C10orf71: variants seen among roughly 807,000 people sequenced by gnomAD.
The protein encoded by C10orf71 is chromosome 10 open reading frame 71, also known as cardiac-enriched FHL2-interacting protein.
For synonymous variants in C10orf71, 758 were observed against 726.3 expected (o/e 1.04, Z -0.70); for missense variants, 1,869 against 1,804.5 (o/e 1.04, Z -0.65).
At chr10:49,313,539 G>A (rs1848950380) in intron 1 of C10orf71, among the ~76,000 whole-genome samples, 1 of 152,214 alleles carries the variant, frequency 6.6e-6, no homozygotes, top group South Asian at 2.1e-4. Context: ...GCCTCTTGGT[G>A]CAGGGCAGGA....
chr10:49,322,366 T>C, intron 2 of C10orf71, 36 bp from the exon 3 acceptor site: 1 of 649,444 alleles, frequency 1.5e-6, no homozygotes. Flanking sequence ...TAGAGCTGTA[T>C]ACTTTGTTCA....
intron 2 of C10orf71, among the ~76,000 whole-genome samples, chr10:49,316,520 A>G (rs921715043): frequency 2.0e-5 from 3 of 152,194 alleles, no homozygotes; most frequent in African/African-American, 4.8e-5. Context: ...CACTGTTTAG[A>G]ATGAGGATAT....
chr10:49,326,213 G>T lies in C10orf71; in HGVS notation c.3668G>T (p.Cys1223Phe). 6.4e-7 allele frequency: 1 copy of T among 1,551,134 alleles called. No individual in the cohort carries two copies. Residue 1223 changes from cysteine to phenylalanine, a missense_variant, in exon 3 of 3, where the codon TGC becomes TTC. Coordinates refer to ENST00000374144, the MANE Select transcript of C10orf71 (RefSeq NM_001135196.2). ...GAGCAGACACAGCAAAGGCCGCTGT[G>T]CCCCAGAGAGAGGCCCCGACACAAT... is the stretch of plus-strand genomic sequence containing the variant. ...DLEQTQQRPL[C>F]PRERPRHNFP... is the part of the protein sequence containing the mutation.
At position 49,325,958 on chromosome 10, in the gene C10orf71, C is replaced by G. The variant is rs1456286139; in HGVS notation, c.3413C>G (p.Ser1138Cys). 15 of 1,551,576 alleles carry G rather than the reference C, an allele frequency of 9.7e-6. No individual in the cohort carries two copies. The highest frequency in any genetic ancestry group is 1.2e-5 in the Non-Finnish European group (14 of 1,146,992). Reference sequence around the variant, plus strand: ...TCGGCAGAAGACCTCCGGACCCTCTCTCCAAGAGGTTCATTGCTGGATGTG... The same window carrying G: ...TCGGCAGAAGACCTCCGGACCCTCTGTCCAAGAGGTTCATTGCTGGATGTG... ...ELSAEDLRTL[S>C]PRGSLLDVAT... Residue 1138 changes from serine to cysteine, a missense_variant, in exon 3 of 3, where the codon TCT becomes TGT. Ser to Cys is a moderately radical substitution (Grantham distance 112). Transcript: ENST00000374144.
Position 49,326,651 on chromosome 10 carries a change from C to T in C10orf71, c.4106C>T (p.Ala1369Val). The change falls in exon 3 of 3, where the codon GCG becomes GTG. Residue 1369 changes from alanine to valine, a missense_variant. Transcript: ENST00000374144. ...CTCAGGCAGGGCCCTCGTGCCTCCG[C>T]GGCCCGCGCCAGGACCCAGAGTGTC... ...TFLRQGPRAS[A>V]ARARTQSVHE... The T allele has an allele frequency of 1.3e-6, 2 of 1,550,270 alleles. No homozygotes were observed. The highest frequency in any genetic ancestry group is 8.7e-7 in the Non-Finnish European group (1 of 1,146,906).
chr10:49,303,534 C>T (rs532333854), intron 1 of C10orf71, among the ~76,000 whole-genome samples: 16 of 152,260 alleles, frequency 1.1e-4, no homozygotes, highest in South Asian at 2.1e-4. Context: ...GAGTCCTGAG[C>T]GGGATCAAGC....
At chr10:49,302,196 G>T (rs1440703591) in intron 1 of C10orf71, among the ~76,000 whole-genome samples, 1 of 152,206 alleles carries the variant, frequency 6.6e-6, no homozygotes, top group South Asian at 2.1e-4. Flanking sequence ...TCAGGAGGTT[G>T]GTTCCAGATC....
At chr10:49,321,923 T>C (rs1299657472) in intron 2 of C10orf71, among the ~76,000 whole-genome samples, 2 of 152,226 alleles carry the variant, frequency 1.3e-5, no homozygotes, top group African/African-American at 2.4e-5. Context: ...TTCATTTTGT[T>C]TTGTTTGTTA....
Position 49,326,237 on chromosome 10 carries a change from A to G in C10orf71, c.3692A>G (p.Asn1231Ser), listed in dbSNP as rs1000916106. Residue 1231 changes from asparagine (N) to serine (S), a missense_variant, in exon 3 of 3, where the codon AAT (asparagine) becomes AGT (serine). Physicochemically the swap from Asn to Ser is conservative, Grantham distance 46. Coordinates refer to ENST00000374144, the MANE Select transcript of C10orf71 (RefSeq NM_001135196.2). Reference sequence around the variant, plus strand: ...TGCCCCAGAGAGAGGCCCCGACACAATTTCCCCGTGGTCCGTTCCCTGCCC... The same window carrying G: ...TGCCCCAGAGAGAGGCCCCGACACAGTTTCCCCGTGGTCCGTTCCCTGCCC... ...PLCPRERPRH[N>S]FPVVRSLPPP... 3.9e-6 allele frequency: 6 copies of G among 1,550,320 alleles called. No individual in the cohort carries two copies. In the African/African-American group the frequency reaches 8.2e-5, roughly 21 times the overall value.
At position 49,322,771 on chromosome 10, in the gene C10orf71, C is replaced by G; in HGVS notation, c.226C>G (p.Gln76Glu). 2 of 1,613,662 alleles carry G rather than the reference C, an allele frequency of 1.2e-6. No individual in the cohort carries two copies. The highest frequency in any genetic ancestry group is 1.7e-6 in the Non-Finnish European group (2 of 1,179,636). ...TCACCAGAGAACAGTGGGCCACACC[C>G]AGAGGAAAAGTGGCATTTGGAGCCA... is the stretch of plus-strand genomic sequence containing the variant. ...TFHQRTVGHTQRKSGIWSQLP... is the reference protein window; with the variant it reads ...TFHQRTVGHTERKSGIWSQLP... Residue 76 changes from glutamine (Q) to glutamate (E), a missense_variant, in exon 3 of 3, where the codon CAG (glutamine) becomes GAG (glutamate). Transcript: ENST00000374144.
intron 1 of C10orf71, among the ~76,000 whole-genome samples, chr10:49,304,953 C>T (rs1466621787): frequency 6.6e-6 from 1 of 152,186 alleles, no homozygotes; most frequent in African/African-American, 2.4e-5. Context: ...TTCCATTTGC[C>T]CCAAGGTCAC....
intron 1 of C10orf71, among the ~76,000 whole-genome samples, chr10:49,304,405 C>T (rs1848779332): frequency 6.6e-6 from 1 of 152,156 alleles, no homozygotes; most frequent in Non-Finnish European, 1.5e-5. Context: ...CTCAATTTGC[C>T]AGTTGTTGCA....
chr10:49,312,011 A>T (rs896910289), intron 1 of C10orf71, among the ~76,000 whole-genome samples: 1 of 152,236 alleles, frequency 6.6e-6, no homozygotes, highest in Non-Finnish European at 1.5e-5. Flanking sequence ...GAAGAGTTAG[A>T]ATTTAGCAAT....
chr10:49,323,609 G>A lies in C10orf71; in HGVS notation c.1064G>A (p.Gly355Glu), dbSNP rs748172824. The A allele has an allele frequency of 2.4e-5, 39 of 1,601,638 alleles. No homozygotes were observed. The East Asian group carries it at 7.6e-4, about 31-fold the overall frequency. Residue 355 changes from glycine to glutamate, a missense_variant, in exon 3 of 3, where the codon GGA (glycine) becomes GAA (glutamate). By Grantham distance (98) the Gly-to-Glu change is moderately conservative. Transcript: ENST00000374144. ...ATACCCTGGGGGTGCAGGGATCCAG[G>A]AGCCCAGGTATTTGCTGTGGAAGGA... ...TSIPWGCRDP[G>E]AQVFAVEGKA...
chr10:49,325,140 C>A lies in C10orf71; in HGVS notation c.2595C>A (p.Thr865=), dbSNP rs1273263924. The change falls in exon 3 of 3, where the codon ACC becomes ACA. Residue 865 remains threonine, a synonymous_variant. Coordinates refer to ENST00000374144, the MANE Select transcript of C10orf71 (RefSeq NM_001135196.2). ...TTAAAGACAACACCCTCAGAGCTAC[C>A]CCCGTAATTAAACCTATCATGCTGC... is the stretch of plus-strand genomic sequence containing the variant. The part of the protein sequence containing the change: ...FTIKDNTLRA[T]PVIKPIMLPL... 6.4e-7 allele frequency: 1 copy of A among 1,552,132 alleles called. No individual in the cohort carries two copies. Among genetic ancestry groups the A allele is most frequent in the African/African-American group, 1.4e-5 (1 of 73,170 alleles).
rs1234673438 is a variant in C10orf71 at position 49,325,236 on chromosome 10, A to G, written c.2691A>G (p.Pro897=). Residue 897 remains proline, a synonymous_variant, in exon 3 of 3, where the codon CCA becomes CCG. Coordinates refer to ENST00000374144, the MANE Select transcript of C10orf71 (RefSeq NM_001135196.2). Reference sequence around the variant, plus strand: ...ACAAAGAGGAGGAATTGCCAAGGCCAGAATGGGGTGAGGATCCTGGGTTTT... The same window carrying G: ...ACAAAGAGGAGGAATTGCCAAGGCCGGAATGGGGTGAGGATCCTGGGTTTT... ...SGHKEEELPR[P]EWGEDPGFCA... The G allele has an allele frequency of 3.9e-6, 6 of 1,551,822 alleles. No homozygotes were observed. Among genetic ancestry groups the G allele is most frequent in the Non-Finnish European group, 4.4e-6 (5 of 1,147,048 alleles).
chr10:49,326,058 T>C lies in C10orf71; in HGVS notation c.3513T>C (p.Pro1171=), dbSNP rs1416898203. The part of the protein sequence containing the change: ...AQLERTASKP[P]AVPPKTEKAL... Reference sequence around the variant, plus strand: ...TAGAGAGGACAGCAAGCAAGCCACCTGCAGTCCCACCCAAAACAGAGAAAG... The same window carrying C: ...TAGAGAGGACAGCAAGCAAGCCACCCGCAGTCCCACCCAAAACAGAGAAAG... The change falls in exon 3 of 3, where the codon CCT becomes CCC. Residue 1171 remains proline (P), a synonymous_variant. Coordinates refer to ENST00000374144, the MANE Select transcript of C10orf71 (RefSeq NM_001135196.2). 29 of 1,551,612 alleles carry C rather than the reference T, an allele frequency of 1.9e-5. No homozygotes were observed. The highest frequency in any genetic ancestry group is 2.5e-5 in the Non-Finnish European group (29 of 1,147,006).
At position 49,314,304 on chromosome 10, in the gene C10orf71, G is replaced by A. The variant is rs534671900; in HGVS notation, c.-247-1841G>A. On this transcript the variant is annotated intron_variant, in intron 1 of 2. Coordinates refer to ENST00000374144, the MANE Select transcript of C10orf71 (RefSeq NM_001135196.2). ...ACTGACCAGGTCATAATTAAATATCGATGTTTATTTCTATGCATTCATGAC... is the reference window on the plus strand; with the variant it reads ...ACTGACCAGGTCATAATTAAATATCAATGTTTATTTCTATGCATTCATGAC... Among the ~76,000 whole-genome samples, 26 of 152,256 alleles carry A rather than the reference G, an allele frequency of 1.7e-4. No individual in the cohort carries two copies. The South Asian group carries it at 2.5e-3, about 15-fold the overall frequency.
Position 49,326,740 on chromosome 10 carries a change from C to A in C10orf71, c.4195C>A (p.Gln1399Lys), listed in dbSNP as rs1276140762. Residue 1399 changes from glutamine (Q) to lysine (K), a missense_variant, in exon 3 of 3, where the codon CAG (glutamine) becomes AAG (lysine). Physicochemically the swap from Gln to Lys is moderately conservative, Grantham distance 53. Coordinates refer to ENST00000374144, the MANE Select transcript of C10orf71 (RefSeq NM_001135196.2). ...TGACTGCACCCCGCACTCTGCAGGC[C>A]AGCGCCCTCATGGTCCTCCCCAGAG... ...HGDCTPHSAG[Q>K]RPHGPPQSPG... is the part of the protein sequence containing the mutation. 1.3e-6 allele frequency: 2 copies of A among 1,551,256 alleles called. No individual in the cohort carries two copies. The highest frequency in any genetic ancestry group is 2.7e-5 in the African/African-American group (2 of 73,038).
Sources: allele counts gnomAD v4.1 joint callset (sites outside exome capture counted in the v4.1 genomes callset), GRCh38; gene constraint gnomAD v4.1.1; transcripts MANE v1.5; gene names NCBI Gene and HGNC (gene_info 2026-07-23, HGNC 2026-07-21).